XRCC6: variants seen among roughly 807,000 people sequenced by gnomAD.
XRCC6 encodes X-ray repair cross complementing 6, also known as DNA repair protein Ku70.
In XRCC6, 5 loss-of-function variants were observed where a neutral mutation model predicts 65.7. The ratio of observed to expected loss-of-function variants is 0.08; its 90% CI spans 0.04 to 0.16. The LOEUF (loss-of-function observed/expected upper bound fraction) is 0.16, where lower values mean the gene tolerates loss of function less well. Among genes scored for constraint, XRCC6 ranks in the 10% least tolerant of loss-of-function variants. The probability of loss-of-function intolerance (pLI) is 1.00; values close to 1 mark genes in which losing one functional copy is unlikely to be tolerated. For missense variants in XRCC6, 447 were observed against 738.1 expected (o/e 0.61, Z 4.57); for synonymous variants, 270 against 270.6 (o/e 1.00, Z 0.02).
chr22:41,645,842 G>A (rs1485526448), intron 6 of XRCC6, among the ~76,000 whole-genome samples: 3 of 151,494 alleles, frequency 2.0e-5, no homozygotes. Context: ...ATTATAGACT[G>A]TGCGTGCGCC....
intron 2 of XRCC6, among the ~76,000 whole-genome samples, chr22:41,626,875 C>T (rs947572800): frequency 2.0e-5 from 3 of 151,974 alleles, no homozygotes; most frequent in Non-Finnish European, 2.9e-5. Flanking sequence ...CTCCTGACCT[C>T]GTGATCCGCG....
intron 8 of XRCC6, among the ~76,000 whole-genome samples, chr22:41,653,095 C>T (rs2068016217): frequency 6.6e-6 from 1 of 152,044 alleles, no homozygotes; most frequent in African/African-American, 2.4e-5. Context: ...CAACCCTTAC[C>T]TGTTGAGATA....
At position 41,622,055 on chromosome 22, in the gene XRCC6, G is replaced by C; in HGVS notation, c.51G>C (p.Glu17Asp). Reference protein sequence around the residue: ...YYKTEGDEEAEEEQEENLEAS... With the variant: ...YYKTEGDEEADEEQEENLEAS... ...AAACCGAGGGCGATGAAGAAGCAGA[G>C]GAAGAACAAGAAGAGAACCTTGAAG... The change falls in exon 2 of 13, where the codon GAG becomes GAC. Residue 17 changes from glutamate (E) to aspartate (D), a missense_variant. Glu to Asp is a conservative substitution (Grantham distance 45). Coordinates refer to ENST00000360079, the MANE Select transcript of XRCC6 (RefSeq NM_001469.5). The C allele has an allele frequency of 6.2e-7, 1 of 1,614,228 alleles. No homozygotes were observed. The highest frequency in any genetic ancestry group is 8.5e-7 in the Non-Finnish European group (1 of 1,180,036).
chr22:41,629,336 A>G (rs182976504), intron 3 of XRCC6, among the ~76,000 whole-genome samples: 2 of 152,226 alleles, frequency 1.3e-5, no homozygotes, highest in African/African-American at 4.8e-5. Context: ...TTGAATGGCT[A>G]AACAGTGGCA....
intron 2 of XRCC6, among the ~76,000 whole-genome samples, chr22:41,627,648 G>T (rs1219875692): frequency 5.9e-5 from 9 of 151,270 alleles, no homozygotes; most frequent in Non-Finnish European, 1.5e-5. Context: ...CTGGTGGGGA[G>T]GATTGCCTGA....
chr22:41,656,638 CG>C (rs1473563915), intron 9 of XRCC6, among the ~76,000 whole-genome samples: 9 of 152,166 alleles, frequency 5.9e-5, no homozygotes, highest in Non-Finnish European at 1.0e-4. Flanking sequence ...GGTATCCTCC[CG>C]GGTTCTTCAA....
Position 41,636,125 on chromosome 22 carries a change from G to A in XRCC6, c.208G>A (p.Val70Met). 1.3e-6 allele frequency: 2 copies of A among 1,586,120 alleles called. No individual in the cohort carries two copies. Among genetic ancestry groups the A allele is most frequent in the Non-Finnish European group, 1.7e-6 (2 of 1,173,310 alleles). Residue 70 changes from valine to methionine, a missense_variant, in exon 4 of 13, where the codon GTG becomes ATG. Val to Met is a conservative substitution (Grantham distance 21). Coordinates refer to ENST00000360079, the MANE Select transcript of XRCC6 (RefSeq NM_001469.5). The stretch of plus-strand genomic sequence containing the variant: ...TTTTTTTTTTCAGTGTATCCAAAGT[G>A]TGTACATCAGTAAGATCATAAGCAG... ...FDMSIQCIQSVYISKIISSDR... is the reference protein window; with the variant it reads ...FDMSIQCIQSMYISKIISSDR...
intron 2 of XRCC6, among the ~76,000 whole-genome samples, chr22:41,622,671 T>C (rs893387998): frequency 1.3e-5 from 2 of 152,100 alleles, no homozygotes; most frequent in African/African-American, 4.8e-5. Flanking sequence ...CCAGGCGCGG[T>C]GTCTCAAGCC....
At chr22:41,630,074 C>G (rs1017686124) in intron 3 of XRCC6, among the ~76,000 whole-genome samples, 14 of 150,766 alleles carry the variant, frequency 9.3e-5, no homozygotes, top group African/African-American at 3.4e-4. Flanking sequence ...ACCTCTGACT[C>G]CCTGGTTCAA....
intron 6 of XRCC6, among the ~76,000 whole-genome samples, chr22:41,641,121 G>A (rs771721725): frequency 4.6e-5 from 7 of 152,106 alleles, no homozygotes; most frequent in South Asian, 2.1e-4. Flanking sequence ...TAGGATTGCC[G>A]TGAGCATTAA....
intron 3 of XRCC6, among the ~76,000 whole-genome samples, chr22:41,628,987 A>AC (rs1488078901): frequency 6.6e-6 from 1 of 151,516 alleles, no homozygotes; most frequent in Non-Finnish European, 1.5e-5. Flanking sequence ...AAAAAAAAAA[A>AC]AACAATTCTC....
chr22:41,652,036 G>C (rs548495891), intron 8 of XRCC6, among the ~76,000 whole-genome samples: 1 of 152,114 alleles, frequency 6.6e-6, no homozygotes, highest in East Asian at 1.9e-4. Flanking sequence ...CACCCGCCTC[G>C]GCCTCCCAAA....
chr22:41,631,777 G>A (rs1473500530), intron 3 of XRCC6, among the ~76,000 whole-genome samples: 6 of 151,992 alleles, frequency 3.9e-5, no homozygotes, highest in South Asian at 4.1e-4. Context: ...CAAGGCAGGC[G>A]GCTGGGAGGT....
intron 8 of XRCC6, 31 bp downstream of exon 8, chr22:41,650,922 C>CT (rs1491231070): frequency 3.1e-6 from 5 of 1,611,810 alleles, no homozygotes; most frequent in East Asian, 2.2e-5. Flanking sequence ...ATGAGTGACT[C>CT]TAACACACAG....
intron 6 of XRCC6, among the ~76,000 whole-genome samples, chr22:41,640,843 T>C (rs2067867898): frequency 1.3e-5 from 2 of 152,196 alleles, no homozygotes; most frequent in African/African-American, 4.8e-5. Context: ...GAGGATAGAA[T>C]AGTGGGTAAA....
At chr22:41,651,743 G>A (rs1025452872) in intron 8 of XRCC6, among the ~76,000 whole-genome samples, 2 of 151,726 alleles carry the variant, frequency 1.3e-5, no homozygotes, top group East Asian at 3.9e-4. Flanking sequence ...GGCCAGTCTG[G>A]TCTCGAACTC....
At chr22:41,644,932 G>C (rs1435417977) in intron 6 of XRCC6, among the ~76,000 whole-genome samples, 1 of 152,052 alleles carries the variant, frequency 6.6e-6, no homozygotes, top group Admixed American at 6.6e-5. Flanking sequence ...GTGTGTCCTT[G>C]GGCAAGTCAT....
At chr22:41,645,423 TA>T (rs2067921359) in intron 6 of XRCC6, among the ~76,000 whole-genome samples, 1 of 152,158 alleles carries the variant, frequency 6.6e-6, no homozygotes, top group Admixed American at 6.5e-5. Flanking sequence ...ACAGTGTCTT[TA>T]GGGTGCCATT....
Position 41,636,607 on chromosome 22 carries a change from A to G in XRCC6, c.426A>G (p.Ser142=), listed in dbSNP as rs768170706. Residue 142 remains serine (S), a synonymous_variant, in exon 5 of 13, where the codon TCA becomes TCG. Coordinates refer to ENST00000360079, the MANE Select transcript of XRCC6 (RefSeq NM_001469.5). ...TGATGGGCCACGGATCTGACTACTC[A>G]CTCAGTGAAGTGCTGTGGGTCTGTG... The part of the protein sequence containing the change: ...QDMMGHGSDY[S]LSEVLWVCAN... The G allele has an allele frequency of 8.1e-6, 13 of 1,613,988 alleles. No individual in the cohort carries two copies. The highest frequency in any genetic ancestry group is 1.7e-4 in the Middle Eastern group (1 of 6,050).
Sources: gnomAD v4.1 joint callset for allele counts (sites outside exome capture counted in the v4.1 genomes callset) on GRCh38, gnomAD v4.1.1 for gene constraint, MANE v1.5 for transcripts, NCBI Gene and HGNC (gene_info 2026-07-23, HGNC 2026-07-21) for gene names.